Variants in EHBP1 observed in about 807,000 individuals in gnomAD.
The protein encoded by EHBP1 is EH domain binding protein 1.
Under a neutral mutation model 144.0 loss-of-function variants are expected in EHBP1, and 55 were observed. The observed-to-expected ratio is 0.38, with a 90% CI of 0.31 to 0.48. EHBP1 has a LOEUF of 0.48. Ranked by LOEUF, EHBP1 falls within the 20% of genes least tolerant of loss-of-function variation. The pLI, the probability that EHBP1 is intolerant of heterozygous loss-of-function variation, is 0.98. For missense variants in EHBP1, 1,200 were observed against 1,364.2 expected (o/e 0.88, Z 1.90); for synonymous variants, 469 against 472.7 (o/e 0.99, Z 0.10).
rs1573121439 is a variant in EHBP1 at position 62,751,198 on chromosome 2, TGTTGAA to T, written c.162+3747_162+3752del. On this transcript the variant is annotated intron_variant, in intron 3 of 22. Coordinates refer to ENST00000431489, the MANE Select transcript of EHBP1 (RefSeq NM_001142616.3). ...ATTGAGAGTTTTTAGCATGAAGGGCTGTTGAATTTTGTCGAAGGCCTTTTCTGCATC... is the reference window on the plus strand; with the variant it reads ...ATTGAGAGTTTTTAGCATGAAGGGCTTTTTGTCGAAGGCCTTTTCTGCATC... 5.9e-5 allele frequency among the ~76,000 whole-genome samples: 9 copies of T among 152,354 alleles called. No homozygotes were observed. In the East Asian group the frequency reaches 1.7e-3, roughly 29 times the overall value.
chr2:62,835,722 A>AG (rs1491251804), intron 7 of EHBP1, among the ~76,000 whole-genome samples: 1 of 152,212 alleles, frequency 6.6e-6, no homozygotes, highest in Non-Finnish European at 1.5e-5. Context: ...AGTCAAAGAA[A>AG]GGGGTGACGG....
At chr2:62,898,658 T>G (rs540646774) in intron 10 of EHBP1, among the ~76,000 whole-genome samples, 1 of 152,198 alleles carries the variant, frequency 6.6e-6, no homozygotes, top group Non-Finnish European at 1.5e-5. Flanking sequence ...TTCTATATCC[T>G]TAGAGCCTAG....
At chr2:62,975,935 C>T (rs960506696) in intron 14 of EHBP1, among the ~76,000 whole-genome samples, 20 of 134,362 alleles carry the variant, frequency 1.5e-4, no homozygotes, top group Non-Finnish European at 2.6e-4. Flanking sequence ...CACACACACA[C>T]ATATATAGTA....
chr2:62,752,175 A>G lies in EHBP1; in HGVS notation c.162+4723A>G, dbSNP rs533921355. 1.4e-4 allele frequency among the ~76,000 whole-genome samples: 21 copies of G among 152,244 alleles called. No homozygotes were observed. In the South Asian group the frequency reaches 4.1e-3, roughly 30 times the overall value. ...TTGAATGTGTCCCAGAGATTCTGGT[A>G]TGTTATGTGTTTGTTCTCATTGGTT... On this transcript the variant is annotated intron_variant, in intron 3 of 22. Coordinates refer to ENST00000431489, the MANE Select transcript of EHBP1 (RefSeq NM_001142616.3).
chr2:62,801,480 C>T (rs2043982794), intron 5 of EHBP1, among the ~76,000 whole-genome samples: 1 of 152,216 alleles, frequency 6.6e-6, no homozygotes, highest in Non-Finnish European at 1.5e-5. Context: ...TAATACATCC[C>T]TTCTTTCAGG....
At chr2:62,767,087 T>TG (rs2041250523) in intron 4 of EHBP1, among the ~76,000 whole-genome samples, 2 of 152,116 alleles carry the variant, frequency 1.3e-5, no homozygotes, top group Non-Finnish European at 2.9e-5. Context: ...CCCGCTGATT[T>TG]GCCATTTTGT....
At chr2:62,795,362 A>G (rs1426902550) in intron 5 of EHBP1, among the ~76,000 whole-genome samples, 1 of 151,982 alleles carries the variant, frequency 6.6e-6, no homozygotes, top group Non-Finnish European at 1.5e-5. Context: ...ATTGTACTAT[A>G]TTTCATAATT....
intron 7 of EHBP1, among the ~76,000 whole-genome samples, chr2:62,847,330 A>G (rs1333915411): frequency 6.6e-6 from 1 of 152,192 alleles, no homozygotes; most frequent in Non-Finnish European, 1.5e-5. Context: ...TTAATAGCAA[A>G]CATTAATTCA....
chr2:62,739,875 G>A (rs1429753677), intron 2 of EHBP1, among the ~76,000 whole-genome samples: 2 of 150,748 alleles, frequency 1.3e-5, no homozygotes, highest in South Asian at 4.2e-4. Flanking sequence ...GTCTGAGGCT[G>A]CAGTGGGCTA....
chr2:63,037,289 A>G (rs1171490543), intron 19 of EHBP1, among the ~76,000 whole-genome samples: 1 of 151,978 alleles, frequency 6.6e-6, no homozygotes, highest in Non-Finnish European at 1.5e-5. Flanking sequence ...CATTTTGTTT[A>G]CTGTACTTAG....
chr2:62,674,055 A>C, exon 1 of EHBP1: 1 of 471,166 alleles, frequency 2.1e-6, no homozygotes, highest in Non-Finnish European at 4.4e-6. Context: ...CAAAAAGCCA[A>C]GCCAACCACC....
At chr2:62,860,524 G>C (rs752338433) in intron 8 of EHBP1, among the ~76,000 whole-genome samples, 2 of 152,030 alleles carry the variant, frequency 1.3e-5, no homozygotes, top group Non-Finnish European at 2.9e-5. Context: ...ATAAATCATA[G>C]AGGCAGTCAA....
At chr2:62,900,342 G>A (rs1157292727) in intron 10 of EHBP1, among the ~76,000 whole-genome samples, 3 of 152,188 alleles carry the variant, frequency 2.0e-5, no homozygotes, top group Non-Finnish European at 4.4e-5. Context: ...ACCAGGCATA[G>A]TAGCTCACAT....
At chr2:62,718,114 T>C (rs1182569357) in intron 2 of EHBP1, among the ~76,000 whole-genome samples, 2 of 152,186 alleles carry the variant, frequency 1.3e-5, no homozygotes, top group African/African-American at 2.4e-5. Context: ...TACAAAAGAC[T>C]CAGAACCACT....
At chr2:62,750,076 G>T (rs1197267623) in intron 3 of EHBP1, among the ~76,000 whole-genome samples, 1 of 152,102 alleles carries the variant, frequency 6.6e-6, no homozygotes, top group Non-Finnish European at 1.5e-5. Flanking sequence ...TGTCTTGAAT[G>T]GTATTGCCTG....
intron 10 of EHBP1, chr2:62,940,254 G>C (rs1041081914): frequency 3.8e-6 from 1 of 266,594 alleles, no homozygotes; most frequent in East Asian, 9.1e-5. Flanking sequence ...ATTGAGCCAA[G>C]AGTTGAGGTT....
chr2:62,796,276 TAA>T (rs933720557), intron 5 of EHBP1, among the ~76,000 whole-genome samples: 3 of 152,082 alleles, frequency 2.0e-5, no homozygotes, highest in Admixed American at 2.0e-4. Flanking sequence ...TGACACTGCC[TAA>T]GTCTTCCTTT....
At chr2:62,923,933 C>T (rs539635806) in intron 10 of EHBP1, among the ~76,000 whole-genome samples, 1 of 152,308 alleles carries the variant, frequency 6.6e-6, no homozygotes, top group Non-Finnish European at 1.5e-5. Context: ...GACACATCAA[C>T]AGGCCAACTG....
chr2:62,896,311 G>A (rs1012589633), intron 10 of EHBP1, among the ~76,000 whole-genome samples: 2 of 152,192 alleles, frequency 1.3e-5, no homozygotes, highest in East Asian at 3.9e-4. Flanking sequence ...GAGTGAGCAA[G>A]GGGACAGTGA....
Sources: allele counts gnomAD v4.1 joint callset (sites outside exome capture counted in the v4.1 genomes callset), GRCh38; gene constraint gnomAD v4.1.1; transcripts MANE v1.5; gene names NCBI Gene and HGNC (gene_info 2026-07-23, HGNC 2026-07-21).